Variants in MAGI2 observed in about 807,000 individuals in gnomAD.
MAGI2 encodes the protein membrane associated guanylate kinase, WW and PDZ domain containing 2, also known as membrane-associated guanylate kinase, WW and PDZ domain-containing protein 2.
Under a neutral mutation model 133.3 loss-of-function variants are expected in MAGI2, and 35 were observed. That is an observed-to-expected ratio of 0.26 (90% CI 0.20 to 0.35). MAGI2 has a LOEUF of 0.35. Among genes scored for constraint, MAGI2 ranks in the 10% least tolerant of loss-of-function variants. The probability of loss-of-function intolerance (pLI) is 1.00; values close to 1 mark genes in which losing one functional copy is unlikely to be tolerated. For missense variants in MAGI2, 1,636 were observed against 1,863.4 expected, an observed-to-expected ratio of 0.88 and a Z score of 2.25; for synonymous variants, 729 against 710.6, an observed-to-expected ratio of 1.03 and a Z score of -0.41.
At chr7:78,393,376 A>G (rs561550408) in intron 6 of MAGI2, among the ~76,000 whole-genome samples, 16 of 152,288 alleles carry the variant, frequency 1.1e-4, no homozygotes, top group Admixed American at 2.0e-4. Flanking sequence ...TGCCACAGTT[A>G]GTTTCTGTGG....
At chr7:79,356,791 T>C (rs1842046897) in intron 1 of MAGI2, among the ~76,000 whole-genome samples, 1 of 152,160 alleles carries the variant, frequency 6.6e-6, no homozygotes, top group South Asian at 2.1e-4. Context: ...TGACTGAATA[T>C]AGGACTAAAT....
intron 21 of MAGI2, among the ~76,000 whole-genome samples, chr7:78,054,640 A>G (rs1812370963): frequency 6.9e-6 from 1 of 144,360 alleles, no homozygotes; most frequent in African/African-American, 2.7e-5. Flanking sequence ...GAAGGACCTG[A>G]CTTGCTATTT....
At chr7:78,182,667 A>G (rs576508349) in intron 13 of MAGI2, among the ~76,000 whole-genome samples, 5 of 152,218 alleles carry the variant, frequency 3.3e-5, no homozygotes, top group Non-Finnish European at 7.3e-5. Flanking sequence ...CTAGTGACCA[A>G]ATTAAATGGC....
intron 1 of MAGI2, among the ~76,000 whole-genome samples, chr7:79,157,072 C>T (rs1253477532): frequency 6.6e-6 from 1 of 152,042 alleles, no homozygotes; most frequent in Non-Finnish European, 1.5e-5. Flanking sequence ...AATTCTAGTT[C>T]AAAGATGCAT....
intron 6 of MAGI2, among the ~76,000 whole-genome samples, chr7:78,372,140 A>T (rs1793982502): frequency 6.6e-6 from 1 of 152,116 alleles, no homozygotes; most frequent in Non-Finnish European, 1.5e-5. Flanking sequence ...TCTTTTATTG[A>T]CATTTTGCTT....
At chr7:79,442,451 AGT>A (rs3028947) in intron 1 of MAGI2, among the ~76,000 whole-genome samples, 11,296 of 144,844 alleles carry the variant, frequency 0.078, 422 homozygotes, top group African/African-American at 0.082. Flanking sequence ...GTGTTTGAAG[AGT>A]GTGTGTGTGT....
At chr7:78,317,736 G>C (rs1427882017) in intron 9 of MAGI2, among the ~76,000 whole-genome samples, 3 of 152,164 alleles carry the variant, frequency 2.0e-5, no homozygotes, top group African/African-American at 7.2e-5. Context: ...TCATACAGGA[G>C]AGCTCTGGTT....
At chr7:79,377,770 C>T (rs1269839093) in intron 1 of MAGI2, among the ~76,000 whole-genome samples, 1 of 151,694 alleles carries the variant, frequency 6.6e-6, no homozygotes, top group Non-Finnish European at 1.5e-5. Flanking sequence ...TGAGTGCCTA[C>T]AACAAAAGTA....
intron 21 of MAGI2, among the ~76,000 whole-genome samples, chr7:78,058,511 GC>G (rs1812889911): frequency 7.2e-6 from 1 of 138,772 alleles, no homozygotes; most frequent in Non-Finnish European, 1.5e-5. Context: ...TCGCTTTGTT[GC>G]CCAGGCTGGT....
chr7:79,331,931 A>T (rs2129091394), intron 1 of MAGI2, among the ~76,000 whole-genome samples: 1 of 144,074 alleles, frequency 6.9e-6, no homozygotes, highest in Non-Finnish European at 1.5e-5. Flanking sequence ...ATGTACCCTA[A>T]AACTTAAAGT....
intron 1 of MAGI2, among the ~76,000 whole-genome samples, chr7:79,128,393 C>A (rs1039101570): frequency 6.6e-6 from 1 of 152,178 alleles, no homozygotes; most frequent in Non-Finnish European, 1.5e-5. Flanking sequence ...ACAAGATATA[C>A]TGCTTCAACT....
At chr7:78,215,976 A>G (rs1159579057) in intron 10 of MAGI2, among the ~76,000 whole-genome samples, 1 of 152,212 alleles carries the variant, frequency 6.6e-6, no homozygotes, top group African/African-American at 2.4e-5. Context: ...TCTGGTAAAC[A>G]TGCTAATCTC....
intron 9 of MAGI2, among the ~76,000 whole-genome samples, chr7:78,268,651 C>A (rs1437914608): frequency 6.6e-6 from 1 of 152,044 alleles, no homozygotes; most frequent in Admixed American, 6.6e-5. Flanking sequence ...TTTATATAAG[C>A]TTATAAAATT....
chr7:78,645,484 T>C (rs1035949596), intron 2 of MAGI2, among the ~76,000 whole-genome samples: 3 of 152,284 alleles, frequency 2.0e-5, no homozygotes, highest in Admixed American at 6.5e-5. Context: ...TTACAAAGTA[T>C]GCAAAGTTGA....
chr7:79,314,945 T>C (rs1838589389), intron 1 of MAGI2, among the ~76,000 whole-genome samples: 1 of 152,146 alleles, frequency 6.6e-6, no homozygotes, highest in African/African-American at 2.4e-5. Context: ...GCTCTAATTA[T>C]ATCACTGGAA....
intron 2 of MAGI2, among the ~76,000 whole-genome samples, chr7:78,889,047 G>A (rs1022097074): frequency 1.3e-5 from 2 of 152,188 alleles, no homozygotes; most frequent in Admixed American, 6.5e-5. Flanking sequence ...ACATGATGGA[G>A]CTGAAAACCA....
At chr7:79,056,100 C>A (rs1813123947) in intron 1 of MAGI2, among the ~76,000 whole-genome samples, 1 of 152,026 alleles carries the variant, frequency 6.6e-6, no homozygotes, top group Non-Finnish European at 1.5e-5. Flanking sequence ...ATGAGAGAAC[C>A]CTTGCACACT....
At chr7:78,666,081 C>A (rs1813542832) in intron 2 of MAGI2, among the ~76,000 whole-genome samples, 1 of 152,090 alleles carries the variant, frequency 6.6e-6, no homozygotes, top group Non-Finnish European at 1.5e-5. Context: ...GCTGAAGAAC[C>A]AAAATACTGC....
intron 18 of MAGI2, among the ~76,000 whole-genome samples, chr7:78,132,451 C>G (rs1035682421): frequency 1.1e-4 from 17 of 152,246 alleles, no homozygotes; most frequent in African/African-American, 3.4e-4. Context: ...AGCATGCTTA[C>G]AAGGCCCTTT....
Sources: gnomAD v4.1 joint callset for allele counts (sites outside exome capture counted in the v4.1 genomes callset) on GRCh38, gnomAD v4.1.1 for gene constraint, MANE v1.5 for transcripts, NCBI Gene and HGNC (gene_info 2026-07-23, HGNC 2026-07-21) for gene names.